MIPOL1: variants seen among roughly 807,000 people sequenced by gnomAD.
MIPOL1 encodes the protein mirror-image polydactyly gene 1 protein.
Under a neutral mutation model 60.9 loss-of-function variants are expected in MIPOL1, and 57 were observed. That is an observed-to-expected ratio of 0.94 (90% CI 0.76 to 1.17). The LOEUF is 1.17. Ranked by LOEUF, MIPOL1 falls within the 50% of genes most tolerant of loss-of-function variation. The probability of loss-of-function intolerance (pLI) is 0.00; values close to 1 mark genes in which losing one functional copy is unlikely to be tolerated. For synonymous variants in MIPOL1, 179 were observed against 168.8 expected (o/e 1.06, Z -0.47); for missense variants, 551 against 511.6 (o/e 1.08, Z -0.74).
At chr14:37,334,010 T>C (rs1027301495) in intron 9 of MIPOL1, among the ~76,000 whole-genome samples, 1 of 152,112 alleles carries the variant, frequency 6.6e-6, no homozygotes, top group African/African-American at 2.4e-5. Context: ...ACAAGGGAGC[T>C]GAATGAGAAA....
intron 3 of MIPOL1, among the ~76,000 whole-genome samples, chr14:37,256,715 G>T (rs1339294965): frequency 1.4e-5 from 2 of 142,086 alleles, no homozygotes; most frequent in Admixed American, 7.1e-5. Context: ...CGTTAAAAAA[G>T]CAGTCTTTGA....
intron 9 of MIPOL1, among the ~76,000 whole-genome samples, chr14:37,347,974 T>A (rs143382740): frequency 6.6e-5 from 10 of 152,308 alleles, no homozygotes; most frequent in African/African-American, 1.7e-4. Flanking sequence ...GTATACTGCG[T>A]GATACTGAGG....
chr14:37,366,734 C>T (rs570222289), intron 9 of MIPOL1, among the ~76,000 whole-genome samples: 15 of 152,116 alleles, frequency 9.9e-5, no homozygotes, highest in African/African-American at 3.6e-4. Context: ...ATGTTCATCT[C>T]TGAAAGTGGG....
At chr14:37,387,141 A>G (rs1295262726) in intron 10 of MIPOL1, among the ~76,000 whole-genome samples, 2 of 151,972 alleles carry the variant, frequency 1.3e-5, no homozygotes, top group Non-Finnish European at 2.9e-5. Flanking sequence ...GGAATTATAT[A>G]TGACAATGTG....
rs2095549738 is a variant in MIPOL1, at chr14:37,546,906, T to C, written c.1264T>C (p.Leu422=). Residue 422 remains leucine, a splice_region_variant and synonymous_variant, in exon 13 of 13, where the codon TTG becomes CTG. Coordinates refer to ENST00000684589, the MANE Select transcript of MIPOL1 (RefSeq NM_001388067.1). ...SQVANEKVQK[L]ERLVDVLRKK... is the part of the protein sequence containing the mutation. ...ACCCCCATCCCAACCCCAACTTAGG[T>C]TGGAAAGGCTGGTGGATGTACTGAG... 2 of 1,613,264 alleles carry C rather than the reference T, an allele frequency of 1.2e-6. No individual in the cohort carries two copies. The highest frequency in any genetic ancestry group is 1.3e-5 in the African/African-American group (1 of 74,790).
intron 11 of MIPOL1, among the ~76,000 whole-genome samples, chr14:37,442,159 A>G (rs1427066805): frequency 3.4e-5 from 5 of 149,252 alleles, no homozygotes; most frequent in Non-Finnish European, 7.4e-5. Flanking sequence ...GCATTCTGGA[A>G]TTGGCTGTCA....
In MIPOL1 at chr14:37,295,096, T is replaced by C. The variant is rs186928321; in HGVS notation, c.623+9649T>C. Among the ~76,000 whole-genome samples, 1,417 of 152,274 alleles carry C rather than the reference T, an allele frequency of 9.3e-3. 14 individuals are homozygous for C. The highest frequency in any genetic ancestry group is 0.015 in the Non-Finnish European group (1,011 of 68,026). The stretch of plus-strand genomic sequence containing the variant: ...ACAAAGGGAAGCCTATCAGACTAAC[T>C]GCTGATGTCTCAGCAGAAACTCTAC... On this transcript the variant is annotated intron_variant, in intron 7 of 12. Transcript: ENST00000684589.
intron 12 of MIPOL1, among the ~76,000 whole-genome samples, chr14:37,528,336 G>A (rs1428597505): frequency 6.6e-6 from 1 of 151,814 alleles, no homozygotes; most frequent in East Asian, 1.9e-4. Context: ...TTCTATGATT[G>A]TACTATAATT....
chr14:37,346,893 C>T (rs533091829), intron 9 of MIPOL1, among the ~76,000 whole-genome samples: 24 of 151,954 alleles, frequency 1.6e-4, no homozygotes, highest in Non-Finnish European at 3.2e-4. Context: ...CAAGACATAG[C>T]AAAGGGGGAA....
intron 11 of MIPOL1, among the ~76,000 whole-genome samples, chr14:37,471,168 CTTGAA>C (rs1272333790): frequency 1.3e-5 from 2 of 152,018 alleles, no homozygotes; most frequent in African/African-American, 2.4e-5. Flanking sequence ...ATTATAGACC[CTTGAA>C]TTGAAGTTGA....
intron 7 of MIPOL1, among the ~76,000 whole-genome samples, chr14:37,286,326 A>G (rs1172271083): frequency 6.6e-6 from 1 of 152,230 alleles, no homozygotes; most frequent in Non-Finnish European, 1.5e-5. Flanking sequence ...ATTCTAATGT[A>G]CAATCTGACC....
intron 11 of MIPOL1, among the ~76,000 whole-genome samples, chr14:37,487,315 C>T (rs1227310732): frequency 6.6e-6 from 1 of 152,152 alleles, no homozygotes; most frequent in African/African-American, 2.4e-5. Context: ...TTGTTTGTCT[C>T]TGCCACGTTT....
chr14:37,358,296 C>A (rs1468835951), intron 9 of MIPOL1, among the ~76,000 whole-genome samples: 7 of 152,140 alleles, frequency 4.6e-5, no homozygotes, highest in African/African-American at 7.2e-5. Flanking sequence ...CTGCAATAAA[C>A]ATACCTGTGC....
intron 10 of MIPOL1, among the ~76,000 whole-genome samples, chr14:37,383,894 T>C (rs1004308260): frequency 1.3e-5 from 2 of 151,864 alleles, no homozygotes; most frequent in Non-Finnish European, 2.9e-5. Flanking sequence ...TTAAACTGGA[T>C]TTTTATATGC....
In MIPOL1 at chr14:37,547,196, G is replaced by A; in HGVS notation, c.*225G>A. On this transcript the variant is annotated 3_prime_UTR_variant, in exon 13 of 13. Transcript: ENST00000684589. Reference sequence around the variant, plus strand: ...TATTAACTATAGACTTTTACCAATGGGTAGCTATAAGGTTACAGCTTATTT... The same window carrying A: ...TATTAACTATAGACTTTTACCAATGAGTAGCTATAAGGTTACAGCTTATTT... 2.1e-6 allele frequency: 1 copy of A among 476,832 alleles called. No individual in the cohort carries two copies. Among genetic ancestry groups the A allele is most frequent in the African/African-American group, 2.0e-5 (1 of 50,178 alleles). 29.5% of individuals were successfully genotyped at this position (476,832 alleles called of 1,614,324 possible). A position where few individuals can be genotyped will look rare whatever the true frequency, so the allele number is the denominator to read the frequency against.
At chr14:37,400,375 A>G (rs1449542878) in intron 10 of MIPOL1, 1 of 152,148 alleles carries the variant, frequency 6.6e-6, no homozygotes, top group East Asian at 1.9e-4. Flanking sequence ...TCACTAACAG[A>G]CAGTGAAATT....
intron 10 of MIPOL1, among the ~76,000 whole-genome samples, chr14:37,396,803 T>C (rs1417784079): frequency 6.6e-6 from 1 of 152,184 alleles, no homozygotes. Context: ...TTTCTGTAAG[T>C]GTGTCCATTA....
intron 10 of MIPOL1, among the ~76,000 whole-genome samples, chr14:37,422,038 A>G (rs370183773): frequency 1.5e-4 from 23 of 152,222 alleles, no homozygotes; most frequent in African/African-American, 5.3e-4. Flanking sequence ...TTAACTTTGA[A>G]TAAACAATAC....
chr14:37,308,267 C>T (rs2086960281), intron 8 of MIPOL1, 82 bp from the exon 9 acceptor site: 1 of 1,253,480 alleles, frequency 8.0e-7, no homozygotes, highest in Non-Finnish European at 1.1e-6. Context: ...TTACAATTCA[C>T]ATGTGCCTAT....
Sources: allele counts gnomAD v4.1 joint callset (sites outside exome capture counted in the v4.1 genomes callset), GRCh38; gene constraint gnomAD v4.1.1; transcripts MANE v1.5; gene names NCBI Gene and HGNC (gene_info 2026-07-23, HGNC 2026-07-21).